Variants in CAMTA1 observed in about 807,000 individuals in gnomAD.
The protein encoded by CAMTA1 is calmodulin-binding transcription activator 1.
CAMTA1 carries 27 observed loss-of-function variants against 170.9 expected under a neutral mutation model. The ratio of observed to expected loss-of-function variants is 0.16; its 90% CI spans 0.12 to 0.22. The LOEUF is 0.22. Ranked by LOEUF, CAMTA1 falls within the 10% of genes least tolerant of loss-of-function variation. The pLI, the probability that CAMTA1 is intolerant of heterozygous loss-of-function variation, is 1.00. For synonymous variants in CAMTA1, 833 were observed against 891.5 expected (o/e 0.93, Z 1.17); for missense variants, 1,619 against 2,217.2 (o/e 0.73, Z 5.42).
chr1:7,678,797 C>T (rs2096152282), intron 11 of CAMTA1, among the ~76,000 whole-genome samples: 1 of 152,214 alleles, frequency 6.6e-6, no homozygotes, highest in Non-Finnish European at 1.5e-5. Context: ...GGTGGGTTCT[C>T]CAAGCAACAC....
intron 3 of CAMTA1, among the ~76,000 whole-genome samples, chr1:6,856,301 C>A (rs1570986079): frequency 7.2e-6 from 1 of 138,908 alleles, no homozygotes; most frequent in Non-Finnish European, 1.5e-5. Flanking sequence ...TTCTCTGTGA[C>A]AGATAGAATT....
chr1:6,785,955 C>G (rs1412726715), intron 1 of CAMTA1, among the ~76,000 whole-genome samples: 1 of 149,966 alleles, frequency 6.7e-6, no homozygotes, highest in Non-Finnish European at 1.5e-5. Flanking sequence ...CCCCGCACCC[C>G]CGGCGCTGGG....
At chr1:7,056,069 G>A (rs1707277562) in intron 3 of CAMTA1, among the ~76,000 whole-genome samples, 1 of 152,170 alleles carries the variant, frequency 6.6e-6, no homozygotes, top group South Asian at 2.1e-4. Context: ...TTCTCTGCAC[G>A]ACTCATGTGG....
At chr1:6,878,244 G>A (rs1310114556) in intron 3 of CAMTA1, among the ~76,000 whole-genome samples, 1 of 152,230 alleles carries the variant, frequency 6.6e-6, no homozygotes, top group East Asian at 1.9e-4. Context: ...AGCACTCTAT[G>A]TGATGCCAGA....
chr1:7,136,286 CCT>C (rs1645539435), intron 4 of CAMTA1, among the ~76,000 whole-genome samples: 1 of 152,238 alleles, frequency 6.6e-6, no homozygotes, highest in South Asian at 2.1e-4. Flanking sequence ...GCTGCCCACC[CCT>C]CTGTGTCTGC....
rs187207831 is a variant in CAMTA1, at chr1:7,027,239, C to T, written c.235-64065C>T. 5.3e-5 allele frequency among the ~76,000 whole-genome samples: 8 copies of T among 152,302 alleles called. No individual in the cohort carries two copies. In the East Asian group the frequency reaches 1.5e-3, roughly 29 times the overall value. On this transcript the variant is annotated intron_variant, in intron 3 of 22. Coordinates refer to ENST00000303635, the MANE Select transcript of CAMTA1 (RefSeq NM_015215.4). Reference sequence around the variant, plus strand: ...AATGTCTTCGGTTTGTATTTGGATACACACATCACTCACTAGCTGCTGAGA... The same window carrying T: ...AATGTCTTCGGTTTGTATTTGGATATACACATCACTCACTAGCTGCTGAGA...
intron 3 of CAMTA1, among the ~76,000 whole-genome samples, chr1:6,963,234 A>T (rs1462748522): frequency 1.9e-4 from 8 of 43,040 alleles, no homozygotes; most frequent in Admixed American, 7.8e-4. Context: ...TCTTTCCTTT[A>T]TGGGCCCCGC....
chr1:7,103,884 T>A (rs994092212), intron 4 of CAMTA1, among the ~76,000 whole-genome samples: 11 of 134,966 alleles, frequency 8.2e-5, no homozygotes, highest in African/African-American at 2.9e-4. Context: ...ACTACACACA[T>A]GTACACACAA....
intron 5 of CAMTA1, chr1:7,441,012 C>G (rs999052092): frequency 6.6e-6 from 1 of 152,138 alleles, no homozygotes; most frequent in African/African-American, 2.4e-5. Context: ...GGTTTTAAAC[C>G]CTACGTCACC....
intron 6 of CAMTA1, among the ~76,000 whole-genome samples, chr1:7,541,683 C>T (rs917954996): frequency 2.0e-5 from 3 of 152,188 alleles, no homozygotes; most frequent in African/African-American, 4.8e-5. Context: ...AGAAGTTACA[C>T]GGGCGCGTTC....
In CAMTA1 at chr1:7,661,891, C is replaced by T. The variant is rs112532394; in HGVS notation, c.805+25C>T. The T allele has an allele frequency of 0.028, 44,260 of 1,577,702 alleles. 3,679 individuals are homozygous for T. The highest frequency in any genetic ancestry group is 0.25 in the Admixed American group (13,711 of 54,674). On this transcript the variant is annotated intron_variant, in intron 8 of 22. Coordinates refer to ENST00000303635, the MANE Select transcript of CAMTA1 (RefSeq NM_015215.4). ...GGTGAGCCGGGGCTCCCGGGGCAGG[C>T]GGGCGCCACGGGGACAGAGGGGCCC... is the stretch of plus-strand genomic sequence containing the variant.
intron 6 of CAMTA1, among the ~76,000 whole-genome samples, chr1:7,523,016 G>A (rs1201414373): frequency 2.6e-5 from 4 of 152,128 alleles, no homozygotes; most frequent in East Asian, 1.9e-4. Flanking sequence ...ACAAGCATGC[G>A]CCACCACGCC....
chr1:7,732,024 T>TG lies in CAMTA1; in HGVS notation c.2915-424_2915-423insG, dbSNP rs1257797245. The stretch of plus-strand genomic sequence containing the variant: ...GGTAAAAGATATACTACCTTTTTTT[T>TG]TTTTTGTCTAACATACCTTCCTTTC... On this transcript the variant is annotated intron_variant, in intron 11 of 22. Transcript: ENST00000303635. The surrounding 1 kb of genome is among the most constrained non-coding windows in gnomAD (Gnocchi z 4.1). Among the ~76,000 whole-genome samples, 1 of 152,110 alleles carries TG rather than the reference T, an allele frequency of 6.6e-6. No homozygotes were observed. The highest frequency in any genetic ancestry group is 1.5e-5 in the Non-Finnish European group (1 of 68,016).
intron 11 of CAMTA1, among the ~76,000 whole-genome samples, chr1:7,712,387 C>A (rs2096577464): frequency 6.6e-6 from 1 of 151,828 alleles, no homozygotes; most frequent in Non-Finnish European, 1.5e-5. Context: ...GTGGTGCAAT[C>A]TCGGCTCACT....
chr1:7,614,042 T>A lies in CAMTA1; in HGVS notation c.511-26358T>A, dbSNP rs148233151. Among the ~76,000 whole-genome samples, 902 of 104,202 alleles carry A rather than the reference T, an allele frequency of 8.7e-3. 9 individuals are homozygous for A. Among genetic ancestry groups the A allele is most frequent in the African/African-American group, 0.031 (805 of 25,916 alleles). 68.4% of individuals were successfully genotyped at this position (104,202 alleles called of 152,430 possible). ...GAGCACTGAGGGGAGCGATGGGTGG[T>A]TGGGGAGGTGGAACCCAGAGGTAGG... On this transcript the variant is annotated intron_variant, in intron 6 of 22. Transcript: ENST00000303635.
chr1:7,362,961 G>T (rs556829739), intron 5 of CAMTA1, among the ~76,000 whole-genome samples: 1 of 152,328 alleles, frequency 6.6e-6, no homozygotes, highest in Admixed American at 6.5e-5. Context: ...AGAGGTGGTG[G>T]ACTTGGATAG....
At chr1:7,525,071 C>T (rs967004625) in intron 6 of CAMTA1, among the ~76,000 whole-genome samples, 1 of 152,296 alleles carries the variant, frequency 6.6e-6, no homozygotes, top group African/African-American at 2.4e-5. Flanking sequence ...ACTCCACCCG[C>T]CCCCGCGTCG....
At position 6,945,252 on chromosome 1, in the gene CAMTA1, A is replaced by G. The variant is rs1571936038; in HGVS notation, c.234+120042A>G. Among the ~76,000 whole-genome samples the G allele has an allele frequency of 2.6e-5, 4 of 152,368 alleles. No individual in the cohort carries two copies. The East Asian group carries it at 5.8e-4, about 22-fold the overall frequency. On this transcript the variant is annotated intron_variant, in intron 3 of 22. Coordinates refer to ENST00000303635, the MANE Select transcript of CAMTA1 (RefSeq NM_015215.4). ...ATAGTTCCATGGATTTAGTGTATTCAGGCAGTTGTGCAACCATCAGCACAA... is the reference window on the plus strand; with the variant it reads ...ATAGTTCCATGGATTTAGTGTATTCGGGCAGTTGTGCAACCATCAGCACAA...
intron 3 of CAMTA1, among the ~76,000 whole-genome samples, chr1:7,016,979 T>C (rs1008609226): frequency 6.6e-6 from 1 of 152,224 alleles, no homozygotes; most frequent in Non-Finnish European, 1.5e-5. Flanking sequence ...TACTCACCTT[T>C]CTGTCTCTTT....
Sources: gnomAD v4.1 joint callset for allele counts (sites outside exome capture counted in the v4.1 genomes callset) on GRCh38, gnomAD v4.1.1 for gene constraint, Gnocchi (gnomAD v3.1) non-coding constraint, MANE v1.5 for transcripts, NCBI Gene and HGNC (gene_info 2026-07-23, HGNC 2026-07-21) for gene names.